The following YAF2 variants were observed in gnomAD, a reference collection of about 807,000 sequenced individuals.
YAF2 encodes the protein YY1-associated factor 2.
YAF2 carries 7 observed loss-of-function variants against 20.1 expected under a neutral mutation model. The observed-to-expected ratio is 0.35, with a 90% confidence interval of 0.20 to 0.65. The LOEUF (loss-of-function observed/expected upper bound fraction) is 0.65, where lower values mean the gene tolerates loss of function less well. Among genes scored for constraint, YAF2 ranks in the 30% least tolerant of loss-of-function variants. YAF2 has a pLI of 0.69. For missense variants in YAF2, 151 were observed against 219.2 expected, an observed-to-expected ratio of 0.69 and a Z score of 1.96; for synonymous variants, 74 against 76.0, an observed-to-expected ratio of 0.97 and a Z score of 0.14.
chr12:42,167,973 CA>C (rs1346434262), intron 2 of YAF2, among the ~76,000 whole-genome samples: 1 of 151,866 alleles, frequency 6.6e-6, no homozygotes, highest in Non-Finnish European at 1.5e-5. Flanking sequence ...CTGGGTAAGC[CA>C]AATAAAATAA....
chr12:42,191,807 G>C (rs998623077), intron 2 of YAF2, among the ~76,000 whole-genome samples: 1 of 152,152 alleles, frequency 6.6e-6, no homozygotes, highest in African/African-American at 2.4e-5. Context: ...GAAAGATTTG[G>C]CCATGCACAG....
chr12:42,207,626 C>T (rs901372224), intron 2 of YAF2, among the ~76,000 whole-genome samples: 2 of 152,184 alleles, frequency 1.3e-5, no homozygotes, highest in Non-Finnish European at 2.9e-5. Flanking sequence ...GGCACGGTGG[C>T]TCATGCCTGT....
rs530928892 is a variant in YAF2 at position 42,213,416 on chromosome 12, C to T, written c.152+24183G>A. ...ATTCTATTATATTATTTAAATTAAT[C>T]TGACCAGATTTTGAAGCCTTACCTT... On this transcript the variant is annotated intron_variant, in intron 2 of 3. Coordinates refer to ENST00000534854, the MANE Select transcript of YAF2 (RefSeq NM_005748.6). Among the ~76,000 whole-genome samples, 32 of 152,320 alleles carry T rather than the reference C, an allele frequency of 2.1e-4. 1 individual carries two copies. In the South Asian group the frequency reaches 6.6e-3, roughly 32 times the overall value.
At chr12:42,182,922 T>A (rs2066380538) in intron 2 of YAF2, among the ~76,000 whole-genome samples, 1 of 152,206 alleles carries the variant, frequency 6.6e-6, no homozygotes, top group African/African-American at 2.4e-5. Context: ...ACTTTATTAC[T>A]TTTTACAAAT....
At chr12:42,235,891 G>A in intron 2 of YAF2, 1 of 1,536,064 alleles carries the variant, frequency 6.5e-7, no homozygotes, top group South Asian at 1.2e-5. Flanking sequence ...TATTCAGCCT[G>A]TTTCTTCTCT....
At chr12:42,184,378 C>T (rs2066419633) in intron 2 of YAF2, among the ~76,000 whole-genome samples, 1 of 152,108 alleles carries the variant, frequency 6.6e-6, no homozygotes, top group South Asian at 2.1e-4. Flanking sequence ...GGTGCCATCT[C>T]GGCTCACTGC....
intron 2 of YAF2, among the ~76,000 whole-genome samples, chr12:42,228,276 GC>G (rs2067830043): frequency 1.8e-5 from 1 of 54,776 alleles, no homozygotes; most frequent in Non-Finnish European, 3.0e-5. Flanking sequence ...CGCGCCAGCC[GC>G]CCCGTCCGGG....
intron 2 of YAF2, among the ~76,000 whole-genome samples, chr12:42,191,737 T>C (rs1157704759): frequency 6.6e-6 from 1 of 152,154 alleles, no homozygotes; most frequent in Non-Finnish European, 1.5e-5. Flanking sequence ...TGTTCATTTT[T>C]CCCCACCCTG....
chr12:42,230,265 G>C (rs954236604), intron 2 of YAF2, among the ~76,000 whole-genome samples: 1 of 144,464 alleles, frequency 6.9e-6, no homozygotes, highest in Non-Finnish European at 1.5e-5. Context: ...AGAAAGAAAA[G>C]AAAGAGAAGA....
At chr12:42,230,401 G>A (rs1206579534) in intron 2 of YAF2, among the ~76,000 whole-genome samples, 2 of 152,240 alleles carry the variant, frequency 1.3e-5, no homozygotes, top group Non-Finnish European at 2.9e-5. Flanking sequence ...GGTAGTTTAG[G>A]GATAGATTAT....
chr12:42,169,779 T>C (rs1339675190), intron 2 of YAF2, among the ~76,000 whole-genome samples: 1 of 152,144 alleles, frequency 6.6e-6, no homozygotes, highest in Admixed American at 6.5e-5. Flanking sequence ...AATGACACTA[T>C]TGGAGTGGTG....
At chr12:42,163,365 T>A (rs929977645) in intron 2 of YAF2, among the ~76,000 whole-genome samples, 9 of 152,124 alleles carry the variant, frequency 5.9e-5, no homozygotes, top group African/African-American at 1.9e-4. Context: ...AGACTTGAAT[T>A]TTACAAAGAT....
At chr12:42,162,800 C>A (rs12309515) in intron 2 of YAF2, among the ~76,000 whole-genome samples, 3 of 152,024 alleles carry the variant, frequency 2.0e-5, no homozygotes, top group African/African-American at 7.2e-5. Context: ...AAGCAGATAT[C>A]AGGAGATGGA....
At chr12:42,162,515 T>G (rs1293543411) in intron 2 of YAF2, among the ~76,000 whole-genome samples, 1 of 151,374 alleles carries the variant, frequency 6.6e-6, no homozygotes, top group East Asian at 1.9e-4. Context: ...ATACAGTCTC[T>G]AAGTTCTTAA....
intron 2 of YAF2, chr12:42,210,329 A>C (rs1417236263): frequency 1.4e-6 from 2 of 1,453,566 alleles, no homozygotes; most frequent in Non-Finnish European, 1.8e-6. Context: ...AAAAAATCTC[A>C]GGTTTGTGAA....
intron 2 of YAF2, chr12:42,210,743 A>AG (rs1385368821): frequency 7.0e-7 from 1 of 1,431,420 alleles, no homozygotes; most frequent in African/African-American, 1.4e-5. Context: ...GAACTACAGA[A>AG]GAAAGCATAA....
intron 2 of YAF2, among the ~76,000 whole-genome samples, chr12:42,224,882 G>A (rs768671914): frequency 1.3e-5 from 2 of 152,104 alleles, no homozygotes; most frequent in Non-Finnish European, 2.9e-5. Context: ...AATCCTTTGG[G>A]TATATACCCA....
intron 2 of YAF2, among the ~76,000 whole-genome samples, chr12:42,176,782 C>T (rs2066205458): frequency 6.6e-6 from 1 of 151,916 alleles, no homozygotes; most frequent in Non-Finnish European, 1.5e-5. Flanking sequence ...GCCAATATGG[C>T]GAAACCCCGT....
At chr12:42,205,885 G>C in intron 2 of YAF2, 1 of 412,498 alleles carries the variant, frequency 2.4e-6, no homozygotes, top group Non-Finnish European at 4.8e-6. Flanking sequence ...CACTTTTGTT[G>C]TGATTTAGTT....
Sources: allele counts gnomAD v4.1 joint callset (sites outside exome capture counted in the v4.1 genomes callset), GRCh38; gene constraint gnomAD v4.1.1; transcripts MANE v1.5; gene names NCBI Gene and HGNC (gene_info 2026-07-23, HGNC 2026-07-21).